CLDN10: variants seen among roughly 807,000 people sequenced by gnomAD.
CLDN10 encodes the protein claudin 10, also known as claudin-10.
A neutral mutation model predicts 22.9 loss-of-function variants in CLDN10; 15 were observed. The observed-to-expected ratio is 0.65, with a 90% confidence interval of 0.44 to 1.01. The LOEUF (loss-of-function observed/expected upper bound fraction) is 1.01. Among genes scored for constraint, CLDN10 ranks in the 50% least tolerant of loss-of-function variants. The pLI is 0.00. For synonymous variants in CLDN10, 114 were observed against 111.4 expected, an observed-to-expected ratio of 1.02 and a Z score of -0.15; for missense variants, 247 against 287.8, an observed-to-expected ratio of 0.86 and a Z score of 1.03.
chr13:95,488,549 C>T (rs7994954), intron 1 of CLDN10, among the ~76,000 whole-genome samples: 83,052 of 151,618 alleles, frequency 0.55, 23,652 homozygotes, highest in African/African-American at 0.71. Flanking sequence ...CCAAAGTCCA[C>T]TGTATCATTC....
chr13:95,465,430 AC>A (rs2042574206), intron 1 of CLDN10, among the ~76,000 whole-genome samples: 1 of 152,158 alleles, frequency 6.6e-6, no homozygotes, highest in African/African-American at 2.4e-5. Context: ...TATTATCTTA[AC>A]TTTAGAGATG....
chr13:95,458,505 A>G (rs184355408), intron 1 of CLDN10, among the ~76,000 whole-genome samples: 1 of 152,300 alleles, frequency 6.6e-6, no homozygotes, highest in African/African-American at 2.4e-5. Context: ...GAAGCAAGCC[A>G]CCTTCTTCAC....
At chr13:95,437,730 G>T (rs1161820151) in intron 1 of CLDN10, among the ~76,000 whole-genome samples, 2 of 152,200 alleles carry the variant, frequency 1.3e-5, no homozygotes, top group African/African-American at 4.8e-5. Flanking sequence ...GCTGAATTGA[G>T]GAGCGAGTGA....
intron 1 of CLDN10, among the ~76,000 whole-genome samples, chr13:95,436,577 A>T (rs2042274104): frequency 6.6e-6 from 1 of 152,174 alleles, no homozygotes; most frequent in Non-Finnish European, 1.5e-5. Flanking sequence ...TAATTTGAAA[A>T]TCTCACCCAC....
intron 1 of CLDN10, among the ~76,000 whole-genome samples, chr13:95,530,041 C>T (rs961174123): frequency 1.3e-5 from 2 of 152,006 alleles, no homozygotes; most frequent in Non-Finnish European, 2.9e-5. Flanking sequence ...ATATTAAAAC[C>T]TCAAACCACA....
At chr13:95,502,828 T>A (rs9524989) in intron 1 of CLDN10, among the ~76,000 whole-genome samples, 50,736 of 152,120 alleles carry the variant, frequency 0.33, 9,787 homozygotes, top group East Asian at 0.42. Context: ...ACCGGCAGCA[T>A]GTTTTAAGTG....
chr13:95,506,152 GTGTGTGTGTGCC>G (rs1183583996), intron 1 of CLDN10, among the ~76,000 whole-genome samples: 21 of 152,104 alleles, frequency 1.4e-4, no homozygotes. Flanking sequence ...TGATGCTAGT[GTGTGTGTGTGCC>G]TGTGTGTGTG....
chr13:95,502,964 A>G (rs6492806), intron 1 of CLDN10, among the ~76,000 whole-genome samples: 21,835 of 152,242 alleles, frequency 0.14, 1,929 homozygotes, highest in African/African-American at 0.24. Flanking sequence ...TGAAAGGGAT[A>G]GGAGTAAAAC....
intron 1 of CLDN10, among the ~76,000 whole-genome samples, chr13:95,557,824 C>T (rs925665958): frequency 3.9e-5 from 6 of 152,138 alleles, no homozygotes; most frequent in African/African-American, 1.4e-4. Context: ...ACATAAAGTT[C>T]AAAGACTACT....
intron 1 of CLDN10, among the ~76,000 whole-genome samples, chr13:95,538,787 A>G (rs2043428314): frequency 1.3e-5 from 2 of 152,208 alleles, no homozygotes; most frequent in Non-Finnish European, 2.9e-5. Flanking sequence ...CGCTTATGGC[A>G]ACAACCCTAA....
intron 1 of CLDN10, among the ~76,000 whole-genome samples, chr13:95,442,772 C>T (rs933884946): frequency 3.9e-5 from 6 of 152,190 alleles, no homozygotes; most frequent in South Asian, 4.1e-4. Flanking sequence ...ATAGAGCTAA[C>T]GATGCAAACT....
intron 1 of CLDN10, among the ~76,000 whole-genome samples, chr13:95,532,273 G>A (rs1302171902): frequency 6.6e-6 from 1 of 152,108 alleles, no homozygotes; most frequent in Non-Finnish European, 1.5e-5. Flanking sequence ...TCTGATAACA[G>A]CCTGGTATAG....
intron 1 of CLDN10, among the ~76,000 whole-genome samples, chr13:95,530,924 C>G (rs1210808562): frequency 6.6e-6 from 1 of 150,974 alleles, no homozygotes; most frequent in Non-Finnish European, 1.5e-5. Context: ...AACTGATCAT[C>G]TTTCCTTTTT....
At chr13:95,441,185 G>A (rs1040726187) in intron 1 of CLDN10, among the ~76,000 whole-genome samples, 2 of 152,190 alleles carry the variant, frequency 1.3e-5, no homozygotes, top group Admixed American at 6.5e-5. Context: ...ATGTCACCAA[G>A]TTCTAGAAAA....
At chr13:95,515,957 C>T (rs551312570) in intron 1 of CLDN10, among the ~76,000 whole-genome samples, 166 of 151,952 alleles carry the variant, frequency 1.1e-3, no homozygotes, top group African/African-American at 3.9e-3. Flanking sequence ...GCCTGTAATC[C>T]CAGCTACTCA....
intron 1 of CLDN10, among the ~76,000 whole-genome samples, chr13:95,440,787 T>C (rs1481940579): frequency 4.6e-5 from 7 of 152,252 alleles, no homozygotes; most frequent in African/African-American, 1.4e-4. Context: ...GTTGAGCCAC[T>C]GTATAATTGT....
Position 95,552,818 on chromosome 13 carries a change from C to T in CLDN10, c.65C>T (p.Ser22Phe). 6.2e-7 allele frequency: 1 copy of T among 1,614,028 alleles called. No individual in the cohort carries two copies. Residue 22 changes from serine to phenylalanine, a missense_variant, in exon 1 of 5, where the codon TCC becomes TTC. Transcript: ENST00000299339. ...MVSISGWVLV[S>F]STLPTDYWKV... The stretch of plus-strand genomic sequence containing the variant: ...TCCATCTCAGGCTGGGTACTGGTGT[C>T]CTCCACGCTGCCCACCGACTACTGG...
chr13:95,532,235 C>T (rs2043351050), intron 1 of CLDN10, among the ~76,000 whole-genome samples: 1 of 152,128 alleles, frequency 6.6e-6, no homozygotes, highest in Non-Finnish European at 1.5e-5. Context: ...AAGCCATACA[C>T]TGAGAGAACA....
At chr13:95,573,882 C>T (rs183831488) in intron 3 of CLDN10, among the ~76,000 whole-genome samples, 46 of 151,696 alleles carry the variant, frequency 3.0e-4, no homozygotes, top group African/African-American at 4.6e-4. Context: ...CTCCTCCCCC[C>T]ACAACAGGCC....
Sources: gnomAD v4.1 joint callset for allele counts (sites outside exome capture counted in the v4.1 genomes callset) on GRCh38, gnomAD v4.1.1 for gene constraint, MANE v1.5 for transcripts, NCBI Gene and HGNC (gene_info 2026-07-23, HGNC 2026-07-21) for gene names.